The following PTCH1 variants were observed in gnomAD, a reference collection of about 807,000 sequenced individuals.
PTCH1 encodes protein patched homolog 1.
Under a neutral mutation model 144.6 loss-of-function variants are expected in PTCH1, and 14 were observed. The observed-to-expected ratio is 0.10, with a 90% CI of 0.06 to 0.15. The LOEUF (loss-of-function observed/expected upper bound fraction) is 0.15, where lower values mean the gene tolerates loss of function less well. Ranked by LOEUF, PTCH1 falls within the 10% of genes least tolerant of loss-of-function variation. The pLI is 1.00. For synonymous variants in PTCH1, 833 were observed against 793.6 expected (o/e 1.05, Z -0.83); for missense variants, 1,623 against 1,948.3 (o/e 0.83, Z 3.14).
upstream of PTCH1, among the ~76,000 whole-genome samples, chr9:95,511,549 C>T (rs899643858): frequency 2.0e-5 from 3 of 152,190 alleles, no homozygotes; most frequent in African/African-American, 4.8e-5. Context: ...AAAACTCAGA[C>T]CGCTTAAGGA....
At position 95,449,887 on chromosome 9, in the gene PTCH1, A is replaced by T. The variant is rs527747879; in HGVS notation, c.3503T>A (p.Leu1168Gln). Reference sequence around the variant, plus strand: ...AGACAAAAGCACGGGAAGCAAAACCAGCCCATTGAGAACGCCGAGGATGGT... The same window carrying T: ...AGACAAAAGCACGGGAAGCAAAACCTGCCCATTGAGAACGCCGAGGATGGT... ...ILTILGVLNG[L>Q]VLLPVLLSFF... Residue 1168 changes from leucine (L) to glutamine (Q), a missense_variant, in exon 21 of 24, where the codon CTG (leucine) becomes CAG (glutamine). By Grantham distance (113) the Leu-to-Gln change is moderately radical (BLOSUM62 -2). This residue lies in a region of PTCH1 where 504 missense variants were observed against 679.3 expected (regional missense o/e 0.74). Transcript: ENST00000331920. This position sits in a 1 kb window ranked among gnomAD's most constrained non-coding sequence, Gnocchi z 5.3. 1 of 1,614,222 alleles carries T rather than the reference A, an allele frequency of 6.2e-7. No homozygotes were observed. Among genetic ancestry groups the T allele is most frequent in the African/African-American group, 1.3e-5 (1 of 75,062 alleles).
chr9:95,471,082 CAA>C (rs767837358), intron 12 of PTCH1, among the ~76,000 whole-genome samples: 1 of 126,706 alleles, frequency 7.9e-6, no homozygotes, highest in Admixed American at 8.5e-5. Flanking sequence ...GAGTCTGTCT[CAA>C]AAAAAAAAAA....
chr9:95,506,158 C>G lies in PTCH1; in HGVS notation c.394+249G>C, dbSNP rs1439607875. 9.6e-6 allele frequency: 3 copies of G among 314,024 alleles called. No homozygotes were observed. In the East Asian group the frequency reaches 1.8e-4, roughly 19 times the overall value. The allele number at this position is 314,024 out of a possible 1,614,324, so 19.5% of individuals were successfully genotyped here. A position where few individuals can be genotyped will look rare whatever the true frequency, so the allele number is the denominator to read the frequency against. On this transcript the variant is annotated intron_variant, in intron 2 of 23. Coordinates refer to ENST00000331920, the MANE Select transcript of PTCH1 (RefSeq NM_000264.5). ...GTCCGTCCCGGAGGGGCCCCGCGCC[C>G]CCGTCCCGCCCCCGCCGCTCTCTCC...
At chr9:95,477,054 G>C (rs1293747434) in intron 10 of PTCH1, among the ~76,000 whole-genome samples, 197 bp from the exon 11 acceptor site, 1 of 152,206 alleles carries the variant, frequency 6.6e-6, no homozygotes, top group Non-Finnish European at 1.5e-5. Flanking sequence ...TTTCTACTTC[G>C]AAAGTCAGTG....
intron 2 of PTCH1, among the ~76,000 whole-genome samples, chr9:95,506,046 G>A (rs1375046468): frequency 6.8e-6 from 1 of 148,046 alleles, no homozygotes; most frequent in East Asian, 2.0e-4. Context: ...GGGGCCGGGA[G>A]AGGCCAGCCC....
intron 2 of PTCH1, among the ~76,000 whole-genome samples, chr9:95,501,888 C>A (rs1742569043): frequency 6.6e-6 from 1 of 152,206 alleles, no homozygotes; most frequent in Non-Finnish European, 1.5e-5. Flanking sequence ...TAACACCAGT[C>A]TGTGCCCAGA....
chr9:95,495,109 C>G (rs116333581), intron 2 of PTCH1: 1 of 152,388 alleles, frequency 6.6e-6, no homozygotes, highest in African/African-American at 2.4e-5. Context: ...TGCAGGGAGA[C>G]TCACGTCACT....
intron 14 of PTCH1, among the ~76,000 whole-genome samples, chr9:95,468,153 G>C (rs940406044): frequency 3.9e-5 from 6 of 152,034 alleles, no homozygotes; most frequent in African/African-American, 1.4e-4. Context: ...CTGTAGCCTC[G>C]ACTCCCTGGG....
intron 1 of PTCH1, 58 bp downstream of exon 1, chr9:95,508,103 C>A: frequency 6.3e-7 from 1 of 1,591,258 alleles, no homozygotes; most frequent in Non-Finnish European, 8.6e-7. Context: ...GTGGCGGGGG[C>A]GATCCCAAAG....
At chr9:95,490,061 C>A (rs549249678) in intron 2 of PTCH1, among the ~76,000 whole-genome samples, 1 of 151,988 alleles carries the variant, frequency 6.6e-6, no homozygotes, top group African/African-American at 2.4e-5. Flanking sequence ...CTCGGCCTCC[C>A]AAAGTGCTGG....
At chr9:95,510,855 G>A (rs1844114436), upstream of PTCH1, among the ~76,000 whole-genome samples, 1 of 151,118 alleles carries the variant, frequency 6.6e-6, no homozygotes, top group Admixed American at 6.6e-5. Context: ...CCCGGTGCGC[G>A]CGCGCGCCCG....
At chr9:95,455,369 G>A (rs146408848) in intron 19 of PTCH1, among the ~76,000 whole-genome samples, 3 of 152,350 alleles carry the variant, frequency 2.0e-5, no homozygotes, top group African/African-American at 4.8e-5. Flanking sequence ...AAGCAATGGC[G>A]GAAGTGATTT....
At chr9:95,474,306 T>C (rs539145534) in intron 12 of PTCH1, among the ~76,000 whole-genome samples, 23 of 152,080 alleles carry the variant, frequency 1.5e-4, no homozygotes, top group African/African-American at 5.5e-4. Flanking sequence ...AGTTTCTCAA[T>C]ACCAGCACCG....
intron 2 of PTCH1, among the ~76,000 whole-genome samples, chr9:95,504,928 T>C (rs1843445993): frequency 6.6e-6 from 1 of 152,226 alleles, no homozygotes; most frequent in Admixed American, 6.5e-5. Flanking sequence ...AGAAACTTGT[T>C]GCTAGGAGCA....
At chr9:95,516,082 T>A (rs1410609939) in intron 1 of PTCH1, among the ~76,000 whole-genome samples, 3 of 151,980 alleles carry the variant, frequency 2.0e-5, no homozygotes, top group Non-Finnish European at 4.4e-5. Flanking sequence ...ACCAGGCTGA[T>A]GAGCGGAAGC....
rs544052043 is a variant in PTCH1 at position 95,506,457 on chromosome 9, C to G, written c.344G>C (p.Gly115Ala). 1.2e-6 allele frequency: 2 copies of G among 1,613,202 alleles called. No individual in the cohort carries two copies. The highest frequency in any genetic ancestry group is 1.3e-5 in the African/African-American group (1 of 74,980). ...GLLIFGAFAV[G>A]LKAANLETNV... ...GGTCTCGAGGTTCGCTGCTTTTAAT[C>G]CCACCGCGAAGGCCCCAAATATGAG... Residue 115 changes from glycine to alanine, a missense_variant, in exon 2 of 24, where the codon GGA becomes GCA. Around this residue, in one of 7 missense-constraint regions of PTCH1, gnomAD observed 245 missense variants for 240.6 expected, o/e 1.02. Coordinates refer to ENST00000331920, the MANE Select transcript of PTCH1 (RefSeq NM_000264.5).
rs2118043241 is a variant in PTCH1, at chr9:95,468,960, G to A, written c.2041C>T (p.Pro681Ser). The A allele has an allele frequency of 6.2e-7, 1 of 1,614,156 alleles. No individual in the cohort carries two copies. The highest frequency in any genetic ancestry group is 8.5e-7 in the Non-Finnish European group (1 of 1,180,038). ...HTHVYYTTAE[P>S]RSEISVQPVT... ...GGCTGCACAGAGATCTCGGAGCGCGGCTCAGCGGTGGTGTAGTACACGTGC... is the reference window on the plus strand; with the variant it reads ...GGCTGCACAGAGATCTCGGAGCGCGACTCAGCGGTGGTGTAGTACACGTGC... Residue 681 changes from proline to serine, a missense_variant, in exon 14 of 24, where the codon CCG becomes TCG. Physicochemically the swap from Pro to Ser is moderately conservative, Grantham distance 74. Transcript: ENST00000331920.
rs1365695727 is a variant in PTCH1 at position 95,450,243 on chromosome 9, GTTACAC to G, written c.3450-309_3450-304del. On this transcript the variant is annotated intron_variant, in intron 20 of 23. Transcript: ENST00000331920. Reference sequence around the variant, plus strand: ...GGCATGTAATGTTATTTATGAATGTGTTACACAAACACAAAAATATGGAATGCGACC... The same window carrying G: ...GGCATGTAATGTTATTTATGAATGTGAAACACAAAAATATGGAATGCGACC... 25 of 421,220 alleles carry G rather than the reference GTTACAC, an allele frequency of 5.9e-5. No homozygotes were observed. In the East Asian group the frequency reaches 1.2e-3, roughly 21 times the overall value. The allele number at this position is 421,220 out of a possible 1,614,324, so 26.1% of individuals were successfully genotyped here. A position where few individuals can be genotyped will look rare whatever the true frequency, so the allele number is the denominator to read the frequency against.
upstream of PTCH1, among the ~76,000 whole-genome samples, chr9:95,511,595 C>T (rs78167303): frequency 0.013 from 1,989 of 152,286 alleles, 43 homozygotes; most frequent in African/African-American, 0.045. Flanking sequence ...GGAAGGGCTG[C>T]GGAAACTCGG....
Sources: gnomAD v4.1 joint callset for allele counts (sites outside exome capture counted in the v4.1 genomes callset) on GRCh38, gnomAD v4.1.1 for gene constraint, gnomAD v4.1.1 regional missense constraint, Gnocchi (gnomAD v3.1) non-coding constraint, MANE v1.5 for transcripts, NCBI Gene and HGNC (gene_info 2026-07-23, HGNC 2026-07-21) for gene names.